PODXL: variants seen among roughly 807,000 people sequenced by gnomAD.
The protein encoded by PODXL is podocalyxin like.
A neutral mutation model predicts 48.9 loss-of-function variants in PODXL; 20 were observed. The ratio of observed to expected loss-of-function variants is 0.41; its 90% CI spans 0.29 to 0.59. The LOEUF is 0.59. Ranked by LOEUF, PODXL falls within the 20% of genes least tolerant of loss-of-function variation. PODXL has a pLI of 0.31. For missense variants in PODXL, 606 were observed against 675.1 expected (o/e 0.90, Z 1.13); for synonymous variants, 295 against 287.4 (o/e 1.03, Z -0.27).
chr7:131,524,409 A>AGAG (rs760491817), intron 1 of PODXL, among the ~76,000 whole-genome samples: 14 of 72,236 alleles, frequency 1.9e-4, no homozygotes, highest in Middle Eastern at 7.4e-3. Context: ...GAGAGAGAGA[A>AGAG]AACAACAAGG....
Position 131,516,598 on chromosome 7 carries a change from C to T in PODXL, c.101-5165G>A, listed in dbSNP as rs562076436. On this transcript the variant is annotated intron_variant, in intron 1 of 8. Coordinates refer to ENST00000378555, the MANE Select transcript of PODXL (RefSeq NM_001018111.3). ...CTCATGCTCTGGTGTGTCATGAGAA[C>T]TCAAATGACACTCCCTTTACAAGGC... Among the ~76,000 whole-genome samples the T allele has an allele frequency of 4.6e-5, 7 of 152,194 alleles. No individual in the cohort carries two copies. In the South Asian group the frequency reaches 1.5e-3, roughly 32 times the overall value.
intron 1 of PODXL, among the ~76,000 whole-genome samples, chr7:131,531,917 C>T (rs1225139095): frequency 2.0e-5 from 3 of 151,014 alleles, no homozygotes; most frequent in Non-Finnish European, 2.9e-5. Context: ...TTGAGACCAC[C>T]CTGACCAACA....
chr7:131,548,319 C>G (rs1387093227), intron 1 of PODXL, among the ~76,000 whole-genome samples: 1 of 152,266 alleles, frequency 6.6e-6, no homozygotes, highest in East Asian at 1.9e-4. Flanking sequence ...AATATCCACT[C>G]TCTGCTTCCT....
chr7:131,504,084 A>T lies in PODXL; in HGVS notation c.*227T>A. On this transcript the variant is annotated 3_prime_UTR_variant, in exon 9 of 9. Coordinates refer to ENST00000378555, the MANE Select transcript of PODXL (RefSeq NM_001018111.3). ...TTTTTCTTGATCTCCCTCATCATCC[A>T]GCAGCACTGAGCTCAGGCACTAGTG... The T allele has an allele frequency of 1.7e-6, 1 of 574,976 alleles. No homozygotes were observed. The highest frequency in any genetic ancestry group is 3.1e-6 in the Non-Finnish European group (1 of 321,810). The allele number at this position is 574,976 out of a possible 1,614,324, so 35.6% of individuals were successfully genotyped here.
chr7:131,521,681 G>A (rs1798094387), intron 1 of PODXL, among the ~76,000 whole-genome samples: 1 of 152,226 alleles, frequency 6.6e-6, no homozygotes, highest in Non-Finnish European at 1.5e-5. Context: ...GTATGGGTTA[G>A]TATGAAAATG....
chr7:131,513,033 A>G lies in PODXL; in HGVS notation c.101-1600T>C, dbSNP rs1361090225. On this transcript the variant is annotated intron_variant, in intron 1 of 8. Coordinates refer to ENST00000378555, the MANE Select transcript of PODXL (RefSeq NM_001018111.3). ...AAAAAAATCACATCCTACGCAGAAG[A>G]AGGAGACATAAGATCATACTCCTCA... is the stretch of plus-strand genomic sequence containing the variant. 3.3e-5 allele frequency among the ~76,000 whole-genome samples: 5 copies of G among 152,134 alleles called. No homozygotes were observed. In the East Asian group the frequency reaches 9.7e-4, roughly 29 times the overall value.
At chr7:131,507,616 C>T (rs1437124661) in intron 5 of PODXL, among the ~76,000 whole-genome samples, 2 of 152,086 alleles carry the variant, frequency 1.3e-5, no homozygotes, top group African/African-American at 4.8e-5. Flanking sequence ...TAATTCCCCA[C>T]CCTGACATCA....
At chr7:131,504,624 A>G in intron 8 of PODXL, 116 bp from the exon 9 acceptor site, 2 of 829,174 alleles carry the variant, frequency 2.4e-6, no homozygotes, top group East Asian at 2.5e-5. Context: ...GCAGGCCCTC[A>G]TTGCTCGCCT....
chr7:131,541,672 C>CA (rs35142409), intron 1 of PODXL, among the ~76,000 whole-genome samples: 18,447 of 95,394 alleles, frequency 0.19, 1,273 homozygotes, highest in Middle Eastern at 0.33. Flanking sequence ...GACTCCGTCT[C>CA]AAAAAAAAAA....
At position 131,506,625 on chromosome 7, in the gene PODXL, A is replaced by G. The variant is rs1323030328; in HGVS notation, c.1203T>C (p.Ser401=). Residue 401 remains serine (S), a synonymous_variant, in exon 6 of 9, where the codon TCT becomes TCC. Coordinates refer to ENST00000378555, the MANE Select transcript of PODXL (RefSeq NM_001018111.3). ...CGACCACGGTCTGACTTCCTGGAAC[A>G]GATGCCAGCCGTATGCCGCACTTAT... ...AQDKCGIRLA[S]VPGSQTVVVK... 6.2e-7 allele frequency: 1 copy of G among 1,614,156 alleles called. No individual in the cohort carries two copies. Among genetic ancestry groups the G allele is most frequent in the Non-Finnish European group, 8.5e-7 (1 of 1,180,014 alleles).
At chr7:131,505,153 G>A (rs1268816119) in intron 8 of PODXL, among the ~76,000 whole-genome samples, 2 of 152,228 alleles carry the variant, frequency 1.3e-5, no homozygotes, top group African/African-American at 4.8e-5. Context: ...CAGGGTCTGG[G>A]TGGCACCATC....
chr7:131,508,988 T>C lies in PODXL; in HGVS notation c.1064A>G (p.Lys355Arg). ...TCCTGTGAGGTTCAGGACGAGCTGC[T>C]TCTCACTCTGTGTCTGTGTCTCAAG... is the stretch of plus-strand genomic sequence containing the variant. ...EDLETQTQSEKQLVLNLTGNT... is the reference protein window; with the variant it reads ...EDLETQTQSERQLVLNLTGNT... The change falls in exon 5 of 9, where the codon AAG (lysine) becomes AGG (arginine). Residue 355 changes from lysine (K) to arginine (R), a missense_variant. Coordinates refer to ENST00000378555, the MANE Select transcript of PODXL (RefSeq NM_001018111.3). 6.2e-7 allele frequency: 1 copy of C among 1,614,062 alleles called. No individual in the cohort carries two copies. The highest frequency in any genetic ancestry group is 8.5e-7 in the Non-Finnish European group (1 of 1,179,918).
At position 131,509,569 on chromosome 7, in the gene PODXL, C is replaced by T. The variant is rs753882206; in HGVS notation, c.819G>A (p.Ser273=). ...GACTGGAGGTCTGTTGAGTTCTTTG[C>T]GAGATAACCGATGACGCTGTCATTG... The part of the protein sequence containing the change: ...SAGITASSVI[S]QRTQQTSSQM... The change falls in exon 4 of 9, where the codon TCG becomes TCA. Residue 273 remains serine, a synonymous_variant. Transcript: ENST00000378555. The T allele has an allele frequency of 8.4e-6, 13 of 1,549,060 alleles. No homozygotes were observed. Among genetic ancestry groups the T allele is most frequent in the Middle Eastern group, 1.7e-4 (1 of 5,734 alleles).
chr7:131,512,660 T>G (rs1326387125), intron 1 of PODXL, among the ~76,000 whole-genome samples: 1 of 151,994 alleles, frequency 6.6e-6, no homozygotes, highest in African/African-American at 2.4e-5. Context: ...AACCAGACAT[T>G]TTTGAGAATA....
At chr7:131,508,574 T>C (rs965040586) in intron 5 of PODXL, among the ~76,000 whole-genome samples, 3 of 151,908 alleles carry the variant, frequency 2.0e-5, no homozygotes, top group Non-Finnish European at 4.4e-5. Context: ...TCATTTTCAA[T>C]TGAGACATCT....
At chr7:131,546,951 G>C (rs1798587679) in intron 1 of PODXL, among the ~76,000 whole-genome samples, 1 of 152,182 alleles carries the variant, frequency 6.6e-6, no homozygotes, top group Admixed American at 6.5e-5. Context: ...CTGAGTAATG[G>C]GGAAGGGCCT....
chr7:131,556,426 G>T lies in PODXL; in HGVS notation c.-67C>A. The T allele has an allele frequency of 7.6e-7, 1 of 1,315,898 alleles. No individual in the cohort carries two copies. The highest frequency in any genetic ancestry group is 1.5e-5 in the African/African-American group (1 of 65,978). The allele number at this position is 1,315,898 out of a possible 1,614,324, so 81.5% of individuals were successfully genotyped here. On this transcript the variant is annotated 5_prime_UTR_variant, in exon 1 of 9. Transcript: ENST00000378555. ...CGGCGGAGGATCCGCGCGTCCGGGC[G>T]GTAGGAGCGTGGGCGCCGCCCGGGG...
In PODXL at chr7:131,506,332, G is replaced by A. The variant is rs771818356; in HGVS notation, c.1250-11C>T. 3.6e-5 allele frequency: 58 copies of A among 1,613,978 alleles called. No individual in the cohort carries two copies. In the South Asian group the frequency reaches 6.3e-4, roughly 17 times the overall value. ...TGGCAGGGAGCTTAGCTGTGGGAGA[G>A]GGAGACGATGCCCAATGGCCCAGCC... On this transcript the variant is annotated splice_polypyrimidine_tract_variant and intron_variant, in intron 6 of 8. Coordinates refer to ENST00000378555, the MANE Select transcript of PODXL (RefSeq NM_001018111.3).
At chr7:131,518,097 G>A (rs1004612117) in intron 1 of PODXL, among the ~76,000 whole-genome samples, 1 of 152,090 alleles carries the variant, frequency 6.6e-6, no homozygotes, top group African/African-American at 2.4e-5. Context: ...CCCTAATCCA[G>A]TATGACTTCA....
Sources: allele counts gnomAD v4.1 joint callset (sites outside exome capture counted in the v4.1 genomes callset), GRCh38; gene constraint gnomAD v4.1.1; transcripts MANE v1.5; gene names NCBI Gene and HGNC (gene_info 2026-07-23, HGNC 2026-07-21).